FNBP1: variants seen among roughly 807,000 people sequenced by gnomAD.
The protein encoded by FNBP1 is formin-binding protein 1.
A neutral mutation model predicts 90.6 loss-of-function variants in FNBP1; 26 were observed. That is an observed-to-expected ratio of 0.29 (90% CI 0.21 to 0.40). The LOEUF is 0.40. Ranked by LOEUF, FNBP1 falls within the 10% of genes least tolerant of loss-of-function variation. FNBP1 has a pLI of 1.00. For synonymous variants in FNBP1, 260 were observed against 265.2 expected (o/e 0.98, Z 0.19); for missense variants, 635 against 768.0 (o/e 0.83, Z 2.05).
chr9:129,959,524 G>A (rs970443626), intron 4 of FNBP1, among the ~76,000 whole-genome samples: 3 of 152,112 alleles, frequency 2.0e-5, no homozygotes, highest in African/African-American at 7.2e-5. Flanking sequence ...GGGAGGCAGA[G>A]GTTGCAGTGA....
chr9:129,895,661 A>C, intron 16 of FNBP1, 177 bp downstream of exon 16: 1 of 1,277,358 alleles, frequency 7.8e-7, no homozygotes, highest in Admixed American at 3.9e-5. Flanking sequence ...AAACTAGACA[A>C]GGCAATTCAG....
At chr9:130,032,740 CTT>C (rs537793259) in intron 1 of FNBP1, among the ~76,000 whole-genome samples, 2 of 146,498 alleles carry the variant, frequency 1.4e-5, no homozygotes, top group Non-Finnish European at 3.0e-5. Context: ...TTCAGTGGAA[CTT>C]TTTTTTTTTT....
Position 129,932,468 on chromosome 9 carries a change from C to T in FNBP1, c.514-2773G>A, listed in dbSNP as rs73552663. Among the ~76,000 whole-genome samples the T allele has an allele frequency of 1.5e-3, 232 of 152,206 alleles. 1 individual carries two copies. Among genetic ancestry groups the T allele is most frequent in the African/African-American group, 5.5e-3 (227 of 41,518 alleles). On this transcript the variant is annotated intron_variant, in intron 6 of 16. Coordinates refer to ENST00000446176, the MANE Select transcript of FNBP1 (RefSeq NM_015033.3). ...TTTCACTTCACACATTTTACTCATA[C>T]TCATCTGGTGAAAGCCTAAGGTAAT...
upstream of FNBP1, among the ~76,000 whole-genome samples, chr9:130,045,658 A>T (rs1701401551): frequency 6.6e-6 from 1 of 152,242 alleles, no homozygotes; most frequent in Non-Finnish European, 1.5e-5. Flanking sequence ...TAATTATACA[A>T]CACTGCAAAT....
At chr9:129,897,233 G>A (rs1049602267) in intron 15 of FNBP1, among the ~76,000 whole-genome samples, 17 of 152,090 alleles carry the variant, frequency 1.1e-4, no homozygotes, top group Non-Finnish European at 2.1e-4. Flanking sequence ...TGTCAATGGC[G>A]GCATCTCTGT....
In FNBP1 at chr9:130,042,869, G is replaced by T; in HGVS notation, c.24+83C>A. Reference sequence around the variant, plus strand: ...AGCGCGCCCTCGCCTCCGCCCAGCAGCGCGGCCCGCGCCCCCTCCCCAGGC... The same window carrying T: ...AGCGCGCCCTCGCCTCCGCCCAGCATCGCGGCCCGCGCCCCCTCCCCAGGC... On this transcript the variant is annotated intron_variant, in intron 1 of 16. Coordinates refer to ENST00000446176, the MANE Select transcript of FNBP1 (RefSeq NM_015033.3). The surrounding 1 kb of genome is among the most constrained non-coding windows in gnomAD (Gnocchi z 5.5). The T allele has an allele frequency of 2.0e-6, 2 of 1,003,004 alleles. No homozygotes were observed. The highest frequency in any genetic ancestry group is 2.6e-6 in the Non-Finnish European group (2 of 781,384). The allele number at this position is 1,003,004 out of a possible 1,614,324, so 62.1% of individuals were successfully genotyped here.
intron 1 of FNBP1, among the ~76,000 whole-genome samples, chr9:130,003,689 C>T (rs1038340074): frequency 1.3e-5 from 2 of 151,208 alleles, no homozygotes; most frequent in East Asian, 3.9e-4. Flanking sequence ...TTTGGGAGGC[C>T]GAGAAGGGCA....
intron 4 of FNBP1, among the ~76,000 whole-genome samples, chr9:129,970,625 T>C (rs935347381): frequency 3.9e-5 from 6 of 152,224 alleles, no homozygotes; most frequent in African/African-American, 1.4e-4. Flanking sequence ...TTTAGTAATA[T>C]TCTTTTTATA....
chr9:129,974,730 T>A (rs370403894), intron 4 of FNBP1, among the ~76,000 whole-genome samples: 23 of 151,804 alleles, frequency 1.5e-4, no homozygotes, highest in African/African-American at 5.1e-4. Flanking sequence ...CATGGTGGCA[T>A]ATGCCTGTGG....
intron 12 of FNBP1, among the ~76,000 whole-genome samples, chr9:129,906,433 A>G (rs1182018018): frequency 3.3e-5 from 5 of 152,074 alleles, no homozygotes; most frequent in Admixed American, 3.3e-4. Context: ...GTGGGAAGTA[A>G]TTGAATCATG....
intron 1 of FNBP1, among the ~76,000 whole-genome samples, chr9:130,019,021 T>G (rs2057542559): frequency 6.6e-6 from 1 of 152,104 alleles, no homozygotes; most frequent in Non-Finnish European, 1.5e-5. Context: ...GCTCATAAGT[T>G]CAAGACCAGC....
intron 6 of FNBP1, among the ~76,000 whole-genome samples, chr9:129,954,916 C>T (rs1211470107): frequency 3.3e-5 from 5 of 152,054 alleles, no homozygotes; most frequent in Admixed American, 3.3e-4. Context: ...ATCACTTGAA[C>T]CCAGGAGGTG....
At chr9:129,947,440 C>CAAAAA (rs530714143) in intron 6 of FNBP1, among the ~76,000 whole-genome samples, 14 of 97,000 alleles carry the variant, frequency 1.4e-4, no homozygotes, top group South Asian at 3.6e-4. Flanking sequence ...AACTCCGTCT[C>CAAAAA]AAAAAAAAAA....
At chr9:129,982,878 G>A (rs185070847) in intron 2 of FNBP1, among the ~76,000 whole-genome samples, 1 of 152,180 alleles carries the variant, frequency 6.6e-6, no homozygotes, top group East Asian at 1.9e-4. Flanking sequence ...TGCTGAGGCT[G>A]GTCACAAACT....
rs538580859 is a variant in FNBP1, at chr9:129,994,330, A to G, written c.140+513T>C. On this transcript the variant is annotated intron_variant, in intron 2 of 16. Transcript: ENST00000446176. ...GATACACAAGAATGCATACCAAATG[A>G]TTACACTCATGTAAAGTTCAAAAGT... Among the ~76,000 whole-genome samples, 35 of 152,308 alleles carry G rather than the reference A, an allele frequency of 2.3e-4. No individual in the cohort carries two copies. The South Asian group carries it at 2.7e-3, about 12-fold the overall frequency.
chr9:130,003,126 T>TA (rs112237715), intron 1 of FNBP1, among the ~76,000 whole-genome samples: 125,314 of 147,484 alleles, frequency 0.85, 52,653 homozygotes, highest in East Asian at 0.9. Context: ...TTCATTAAGT[T>TA]CAAAAAAAAA....
intron 1 of FNBP1, among the ~76,000 whole-genome samples, chr9:130,035,222 C>T (rs376270128): frequency 5.5e-4 from 84 of 152,236 alleles, no homozygotes; most frequent in African/African-American, 1.8e-3. Context: ...TCTTTTGAGT[C>T]GAGGGCATCT....
intron 2 of FNBP1, among the ~76,000 whole-genome samples, chr9:129,987,669 T>C (rs1033908158): frequency 6.6e-6 from 1 of 151,864 alleles, no homozygotes. Context: ...CGGCTAATTT[T>C]TGTGATTTTA....
At chr9:129,954,402 C>T (rs962181077) in intron 6 of FNBP1, among the ~76,000 whole-genome samples, 3 of 151,874 alleles carry the variant, frequency 2.0e-5, no homozygotes, top group African/African-American at 7.3e-5. Flanking sequence ...GTAGAACAGA[C>T]AAGAAAGGAA....
Sources: gnomAD v4.1 joint callset for allele counts (sites outside exome capture counted in the v4.1 genomes callset) on GRCh38, gnomAD v4.1.1 for gene constraint, Gnocchi (gnomAD v3.1) non-coding constraint, MANE v1.5 for transcripts, NCBI Gene and HGNC (gene_info 2026-07-23, HGNC 2026-07-21) for gene names.